BTNL8: variants seen among roughly 807,000 people sequenced by gnomAD.
BTNL8 encodes the protein butyrophilin-like protein 8.
A neutral mutation model predicts 36.1 loss-of-function variants in BTNL8; 22 were observed. The observed-to-expected ratio is 0.61, with a 90% confidence interval of 0.44 to 0.87. BTNL8 has a LOEUF of 0.87. Among genes scored for constraint, BTNL8 ranks in the 40% least tolerant of loss-of-function variants. The pLI is 0.00. For synonymous variants in BTNL8, 203 were observed against 235.6 expected (o/e 0.86, Z 1.27); for missense variants, 526 against 616.9 (o/e 0.85, Z 1.56).
At chr5:180,920,176 G>A (rs1170696464) in intron 3 of BTNL8, among the ~76,000 whole-genome samples, 2 of 152,016 alleles carry the variant, frequency 1.3e-5, no homozygotes, top group Admixed American at 6.5e-5. Context: ...GAAAGTAATA[G>A]CAAAGACTGC....
intron 3 of BTNL8, among the ~76,000 whole-genome samples, chr5:180,920,989 T>C (rs1175531023): frequency 6.6e-6 from 1 of 152,034 alleles, no homozygotes; most frequent in East Asian, 1.9e-4. Context: ...ACAGCCACTA[T>C]GGAAAACAGT....
chr5:180,916,991 A>G (rs1173459310), intron 3 of BTNL8, among the ~76,000 whole-genome samples: 1 of 152,026 alleles, frequency 6.6e-6, no homozygotes, highest in Non-Finnish European at 1.5e-5. Context: ...AACAAACCAG[A>G]TAACCTAGCA....
intron 3 of BTNL8, among the ~76,000 whole-genome samples, chr5:180,916,858 T>C (rs1757651211): frequency 6.6e-6 from 1 of 152,270 alleles, no homozygotes; most frequent in Non-Finnish European, 1.5e-5. Flanking sequence ...AACTTACAAA[T>C]TGTTTATTTA....
intron 3 of BTNL8, among the ~76,000 whole-genome samples, chr5:180,912,568 T>C (rs1186445231): frequency 1.3e-5 from 2 of 152,080 alleles, no homozygotes; most frequent in African/African-American, 4.8e-5. Context: ...ATCCCTAAAA[T>C]TCTAAAATTC....
intron 1 of BTNL8, among the ~76,000 whole-genome samples, chr5:180,908,004 C>A (rs1757178258): frequency 6.6e-6 from 1 of 152,244 alleles, no homozygotes; most frequent in South Asian, 2.1e-4. Flanking sequence ...GAGGTGGAGC[C>A]TACAGAGGCA....
intron 3 of BTNL8, among the ~76,000 whole-genome samples, chr5:180,931,893 A>G (rs1244543231): frequency 1.3e-5 from 2 of 152,248 alleles, no homozygotes; most frequent in Admixed American, 6.5e-5. Flanking sequence ...TGTGGAAGAC[A>G]GTGTGGCGAT....
At chr5:180,943,886 A>G (rs543792848) in intron 3 of BTNL8, among the ~76,000 whole-genome samples, 1 of 152,358 alleles carries the variant, frequency 6.6e-6, no homozygotes, top group East Asian at 1.9e-4. Context: ...TATATACAAA[A>G]TAGAATATTA....
chr5:180,941,917 T>TTTTTTTTTTTTTTTTTTTTTGAGA lies in BTNL8; in HGVS notation c.674-5595_674-5594insTTTTTTTTTTTTTTTTTTTTGAGA, dbSNP rs1430901477. Among the ~76,000 whole-genome samples, 131 of 151,272 alleles carry TTTTTTTTTTTTTTTTTTTTTGAGA rather than the reference T, an allele frequency of 8.7e-4. 1 individual carries two copies. Among genetic ancestry groups the TTTTTTTTTTTTTTTTTTTTTGAGA allele is most frequent in the African/African-American group, 1.7e-3 (70 of 41,008 alleles). ...GGATGCCCACTTTTACTACTCTTAT[T>TTTTTTTTTTTTTTTTTTTTTGAGA]CAACAAAGTACTGGAAGTCCTAGCC... On this transcript the variant is annotated intron_variant, in intron 3 of 7. Coordinates refer to ENST00000340184, the MANE Select transcript of BTNL8 (RefSeq NM_001040462.3).
chr5:180,901,108 G>C (rs927248286), intron 1 of BTNL8, among the ~76,000 whole-genome samples: 1 of 152,146 alleles, frequency 6.6e-6, no homozygotes, highest in Non-Finnish European at 1.5e-5. Flanking sequence ...GTCAGAAGCT[G>C]GTCAGACACC....
intron 3 of BTNL8, among the ~76,000 whole-genome samples, chr5:180,917,737 A>G (rs1386423227): frequency 5.3e-5 from 8 of 152,192 alleles, no homozygotes; most frequent in Non-Finnish European, 1.0e-4. Flanking sequence ...AAAAATTAAC[A>G]CAAAAAATTA....
At position 180,949,386 on chromosome 5, in the gene BTNL8, G is replaced by A; in HGVS notation, c.862+121G>A. 4 of 1,359,416 alleles carry A rather than the reference G, an allele frequency of 2.9e-6. 1 individual carries two copies. The East Asian group carries it at 7.8e-5, about 27-fold the overall frequency. The allele number at this position is 1,359,416 out of a possible 1,614,324, so 84.2% of individuals were successfully genotyped here. ...CTGAGACCCATCCTGCCTGCAGATG[G>A]AGAAACTGGATGCTTGATCGCCCCC... On this transcript the variant is annotated intron_variant, in intron 7 of 7. Coordinates refer to ENST00000340184, the MANE Select transcript of BTNL8 (RefSeq NM_001040462.3).
At chr5:180,928,629 C>A (rs1017717214) in intron 3 of BTNL8, among the ~76,000 whole-genome samples, 4 of 152,060 alleles carry the variant, frequency 2.6e-5, no homozygotes, top group Non-Finnish European at 5.9e-5. Context: ...ATTTACCAAC[C>A]AAATGGAAAG....
intron 3 of BTNL8, among the ~76,000 whole-genome samples, chr5:180,937,009 A>G (rs1758682447): frequency 6.6e-6 from 1 of 152,224 alleles, no homozygotes; most frequent in Non-Finnish European, 1.5e-5. Context: ...TGGCGCACTC[A>G]GCACCTGCTG....
At chr5:180,938,890 G>T (rs149496931) in intron 3 of BTNL8, among the ~76,000 whole-genome samples, 48 of 152,164 alleles carry the variant, frequency 3.2e-4, no homozygotes, top group African/African-American at 1.1e-3. Context: ...AGAAGAAAAA[G>T]ATATTTTTTA....
intron 3 of BTNL8, among the ~76,000 whole-genome samples, chr5:180,920,587 A>G (rs1757818856): frequency 6.6e-6 from 1 of 152,118 alleles, no homozygotes; most frequent in Non-Finnish European, 1.5e-5. Context: ...GCAAAAATGA[A>G]CAAGTAAGAT....
chr5:180,934,724 T>C (rs1758563723), intron 3 of BTNL8, among the ~76,000 whole-genome samples: 1 of 152,242 alleles, frequency 6.6e-6, no homozygotes, highest in East Asian at 1.9e-4. Context: ...CCAGAAACCA[T>C]ACAGGCCCAA....
At chr5:180,922,668 G>T (rs537768895) in intron 3 of BTNL8, among the ~76,000 whole-genome samples, 1 of 142,954 alleles carries the variant, frequency 7.0e-6, no homozygotes, top group Middle Eastern at 3.6e-3. Flanking sequence ...TGTATATCCT[G>T]TTATTTTTGG....
chr5:180,936,131 G>A (rs1406711958), intron 3 of BTNL8, among the ~76,000 whole-genome samples: 6 of 151,872 alleles, frequency 4.0e-5, no homozygotes, highest in Non-Finnish European at 5.9e-5. Flanking sequence ...GGATGGTCTC[G>A]ATCTCTTGAC....
At chr5:180,924,708 C>T (rs1336267991) in intron 3 of BTNL8, among the ~76,000 whole-genome samples, 1 of 152,116 alleles carries the variant, frequency 6.6e-6, no homozygotes, top group Non-Finnish European at 1.5e-5. Context: ...GAAAAGGTGG[C>T]CATTTCTTCA....
Sources: allele counts gnomAD v4.1 joint callset (sites outside exome capture counted in the v4.1 genomes callset), GRCh38; gene constraint gnomAD v4.1.1; transcripts MANE v1.5; gene names NCBI Gene and HGNC (gene_info 2026-07-23, HGNC 2026-07-21).